The following ADCY8 variants were observed in gnomAD, a reference collection of about 807,000 sequenced individuals.
ADCY8 encodes the protein adenylate cyclase 8.
A neutral mutation model predicts 119.7 loss-of-function variants in ADCY8; 51 were observed. The ratio of observed to expected loss-of-function variants is 0.43; its 90% confidence interval spans 0.34 to 0.54. The LOEUF is 0.54. Among genes scored for constraint, ADCY8 ranks in the 20% least tolerant of loss-of-function variants. The pLI is 0.03. For missense variants in ADCY8, 1,383 were observed against 1,598.8 expected, an observed-to-expected ratio of 0.87 and a Z score of 2.30; for synonymous variants, 665 against 651.0, an observed-to-expected ratio of 1.02 and a Z score of -0.33.
At chr8:130,841,418 C>T (rs915973445) in intron 11 of ADCY8, among the ~76,000 whole-genome samples, 6 of 152,140 alleles carry the variant, frequency 3.9e-5, no homozygotes, top group Admixed American at 2.0e-4. Context: ...ATTGGAATCT[C>T]ATGATATGAC....
intron 8 of ADCY8, among the ~76,000 whole-genome samples, chr8:130,874,102 G>A (rs1818468165): frequency 6.6e-6 from 1 of 152,000 alleles, no homozygotes; most frequent in African/African-American, 2.4e-5. Flanking sequence ...GGGGTCAGGA[G>A]TTCGAGACCA....
intron 3 of ADCY8, 138 bp downstream of exon 3, chr8:130,951,730 T>A: frequency 6.0e-6 from 6 of 1,004,934 alleles, no homozygotes; most frequent in Non-Finnish European, 8.6e-6. Context: ...TGATGAATAA[T>A]CACTAGGTAA....
chr8:130,797,040 G>A (rs1448747169), intron 15 of ADCY8, among the ~76,000 whole-genome samples: 1 of 152,174 alleles, frequency 6.6e-6, no homozygotes, highest in African/African-American at 2.4e-5. Flanking sequence ...TCACTGAGAT[G>A]CAAATGTAAT....
chr8:130,849,892 T>C, intron 9 of ADCY8, 89 bp from the exon 10 acceptor site: 3 of 1,037,034 alleles, frequency 2.9e-6, no homozygotes, highest in Non-Finnish European at 2.8e-6. Context: ...TCCCATCCCT[T>C]GCATCGGATA....
chr8:131,016,461 A>G (rs1823477263), intron 1 of ADCY8, among the ~76,000 whole-genome samples: 1 of 152,156 alleles, frequency 6.6e-6, no homozygotes, highest in South Asian at 2.1e-4. Context: ...CTATGATTGC[A>G]CTACTGCACT....
At chr8:130,870,264 G>T (rs528744617) in intron 8 of ADCY8, among the ~76,000 whole-genome samples, 2 of 151,710 alleles carry the variant, frequency 1.3e-5, no homozygotes, top group East Asian at 3.9e-4. Flanking sequence ...CGCCCACCTC[G>T]GCCTCCTAAA....
At chr8:130,860,089 A>G (rs1817877620) in intron 9 of ADCY8, among the ~76,000 whole-genome samples, 1 of 152,078 alleles carries the variant, frequency 6.6e-6, no homozygotes, top group Admixed American at 6.5e-5. Flanking sequence ...ATTTATTTAT[A>G]TATTAGTCAT....
chr8:130,804,805 G>A (rs1041511702), intron 14 of ADCY8, among the ~76,000 whole-genome samples: 5 of 152,126 alleles, frequency 3.3e-5, no homozygotes, highest in African/African-American at 9.7e-5. Context: ...GGAGTGCAGT[G>A]GCAGGATCTA....
In ADCY8 at chr8:130,780,420, A is replaced by G; in HGVS notation, c.3726T>C (p.Ala1242=). The G allele has an allele frequency of 1.3e-6, 2 of 1,592,900 alleles. No homozygotes were observed. The highest frequency in any genetic ancestry group is 1.7e-6 in the Non-Finnish European group (2 of 1,168,682). The change falls in exon 18 of 18, where the codon GCT becomes GCC. Residue 1242 remains alanine (A), a synonymous_variant. Coordinates refer to ENST00000286355, the MANE Select transcript of ADCY8 (RefSeq NM_001115.3). The part of the protein sequence containing the change: ...SPSGTEPGAQ[A]EGTDKSDLP ...GCAAATCAGATTTGTCGGTGCCTTC[A>G]GCCTGGGCTCCAGGCTCTGTGCCGC...
chr8:130,883,514 T>A (rs946515445), intron 8 of ADCY8, among the ~76,000 whole-genome samples: 1 of 152,168 alleles, frequency 6.6e-6, no homozygotes, highest in Admixed American at 6.6e-5. Flanking sequence ...AAGAAGCTCA[T>A]TGGGAATGCT....
At chr8:131,002,072 T>C (rs762224010) in intron 1 of ADCY8, among the ~76,000 whole-genome samples, 2 of 152,230 alleles carry the variant, frequency 1.3e-5, no homozygotes, top group Non-Finnish European at 2.9e-5. Context: ...GGCTAAGAAT[T>C]TGGGCTTCTA....
In ADCY8 at chr8:130,865,660, G is replaced by C. The variant is rs570648788; in HGVS notation, c.2210+2186C>G. On this transcript the variant is annotated intron_variant, in intron 9 of 17. Transcript: ENST00000286355. ...AGCATGGTTCAGAGTTCTAGAAAGA[G>C]CATGGGTTGTTTATTTATTTTTTTA... 6.6e-5 allele frequency among the ~76,000 whole-genome samples: 10 copies of C among 152,256 alleles called. No individual in the cohort carries two copies. The South Asian group carries it at 1.5e-3, about 22-fold the overall frequency.
At chr8:130,787,742 GTGT>G (rs200280644) in intron 15 of ADCY8, among the ~76,000 whole-genome samples, 1,801 of 151,550 alleles carry the variant, frequency 0.012, 36 homozygotes, top group African/African-American at 0.042. Context: ...GTGCATGTGT[GTGT>G]TGTTTTCATG....
chr8:130,988,850 T>C (rs1822486320), intron 2 of ADCY8, among the ~76,000 whole-genome samples: 1 of 152,180 alleles, frequency 6.6e-6, no homozygotes, highest in Admixed American at 6.5e-5. Context: ...TTTTTTAGTG[T>C]CTCCAATATA....
chr8:130,844,481 T>C (rs921993289), intron 11 of ADCY8, among the ~76,000 whole-genome samples: 9 of 152,142 alleles, frequency 5.9e-5, no homozygotes, highest in African/African-American at 1.9e-4. Context: ...TTATTTCTCA[T>C]AGGGTGAGGC....
chr8:130,882,565 A>C (rs1818816819), intron 8 of ADCY8, among the ~76,000 whole-genome samples: 1 of 152,180 alleles, frequency 6.6e-6, no homozygotes, highest in African/African-American at 2.4e-5. Flanking sequence ...AGACAAGAGC[A>C]GTGGCTATGG....
chr8:131,005,500 A>G (rs1823086615), intron 1 of ADCY8, among the ~76,000 whole-genome samples: 1 of 152,180 alleles, frequency 6.6e-6, no homozygotes, highest in African/African-American at 2.4e-5. Context: ...TAACTGGACC[A>G]ACTTTGCTGG....
At chr8:130,982,378 T>C (rs1822265862) in intron 2 of ADCY8, among the ~76,000 whole-genome samples, 1 of 152,176 alleles carries the variant, frequency 6.6e-6, no homozygotes, top group African/African-American at 2.4e-5. Context: ...GGATGCTTCA[T>C]AAGGGGGGCG....
intron 13 of ADCY8, among the ~76,000 whole-genome samples, chr8:130,815,072 C>T (rs755403896): frequency 2.7e-4 from 41 of 152,156 alleles, no homozygotes; most frequent in Middle Eastern, 3.4e-3. Flanking sequence ...AGATTACTGC[C>T]CTTGTAGGAA....
Sources: gnomAD v4.1 joint callset for allele counts (sites outside exome capture counted in the v4.1 genomes callset) on GRCh38, gnomAD v4.1.1 for gene constraint, MANE v1.5 for transcripts, NCBI Gene and HGNC (gene_info 2026-07-23, HGNC 2026-07-21) for gene names.